Variants in NCOR1 observed in about 807,000 individuals in gnomAD.
NCOR1 encodes the protein protein phosphatase 1, regulatory subunit 109.
A neutral mutation model predicts 288.1 loss-of-function variants in NCOR1; 63 were observed. The ratio of observed to expected loss-of-function variants is 0.22; its 90% CI spans 0.18 to 0.27. The LOEUF is 0.27. Among genes scored for constraint, NCOR1 ranks in the 10% least tolerant of loss-of-function variants. The probability of loss-of-function intolerance (pLI) is 1.00; values close to 1 mark genes in which losing one functional copy is unlikely to be tolerated. For synonymous variants in NCOR1, 1,007 were observed against 1,065.9 expected, an observed-to-expected ratio of 0.94 and a Z score of 1.08; for missense variants, 2,397 against 3,019.2, an observed-to-expected ratio of 0.79 and a Z score of 4.83.
chr17:16,046,989 C>T lies in NCOR1; in HGVS notation c.6641G>A (p.Arg2214His), dbSNP rs142105041. ...MVKSKKQEIF[R>H]KLNSSGGGDS... ...ACCTCCACCAGAGGAGTTCAACTTA[C>T]GAAAAATCTCCTGCTTCTTTGATTT... Residue 2214 changes from arginine to histidine, a missense_variant, in exon 42 of 46, where the codon CGT becomes CAT. By Grantham distance (29) the Arg-to-His change is conservative (BLOSUM62 0). This residue lies in a region of NCOR1 where 1,872 missense variants were observed against 2,187.8 expected (regional missense o/e 0.86). Coordinates refer to ENST00000268712, the MANE Select transcript of NCOR1 (RefSeq NM_006311.4). 45 of 1,614,002 alleles carry T rather than the reference C, an allele frequency of 2.8e-5. 1 individual carries two copies. In the East Asian group the frequency reaches 6.2e-4, roughly 22 times the overall value.
At chr17:16,045,132 AT>A in intron 42 of NCOR1, 1 of 231,416 alleles carries the variant, frequency 4.3e-6, no homozygotes, top group South Asian at 6.5e-5. Context: ...GGAGGTTCTG[AT>A]TAATACTTGC....
At chr17:16,090,382 A>AT (rs2064984063) in intron 22 of NCOR1, among the ~76,000 whole-genome samples, 2 of 152,132 alleles carry the variant, frequency 1.3e-5, no homozygotes, top group African/African-American at 2.4e-5. Flanking sequence ...CTAAAGTTTC[A>AT]TTTTCCACTG....
rs147117273 is a variant in NCOR1, at chr17:16,174,568, T to G, written c.243-2573A>C. Among the ~76,000 whole-genome samples, 1,153 of 152,322 alleles carry G rather than the reference T, an allele frequency of 7.6e-3. 19 individuals are homozygous for G. The highest frequency in any genetic ancestry group is 0.05 in the East Asian group (257 of 5,186). ...TCAGAAAACAATGAGTATGGAATGC[T>G]CTTTTTCTATCTAGAAATCAGACTA... On this transcript the variant is annotated intron_variant, in intron 3 of 45. Coordinates refer to ENST00000268712, the MANE Select transcript of NCOR1 (RefSeq NM_006311.4).
At chr17:16,145,904 C>T (rs1448587893) in intron 10 of NCOR1, among the ~76,000 whole-genome samples, 1 of 152,106 alleles carries the variant, frequency 6.6e-6, no homozygotes, top group Non-Finnish European at 1.5e-5. Flanking sequence ...TTACTGTGTC[C>T]GTGTGGAGGG....
At chr17:16,115,623 A>G (rs779124221) in intron 18 of NCOR1, among the ~76,000 whole-genome samples, 5 of 152,196 alleles carry the variant, frequency 3.3e-5, no homozygotes, top group Non-Finnish European at 5.9e-5. Context: ...CAGGGGCAAA[A>G]TGCTGCCAGT....
intron 3 of NCOR1, among the ~76,000 whole-genome samples, chr17:16,179,879 A>G (rs981187481): frequency 6.6e-6 from 1 of 150,476 alleles, no homozygotes; most frequent in Non-Finnish European, 1.5e-5. Flanking sequence ...CCGGGCGTGA[A>G]GCCGGGAGGC....
chr17:16,147,028 G>A (rs2078092985), intron 9 of NCOR1, among the ~76,000 whole-genome samples: 1 of 152,108 alleles, frequency 6.6e-6, no homozygotes, highest in Non-Finnish European at 1.5e-5. Context: ...CTGGTTGATT[G>A]CCATTTTTTG....
intron 1 of NCOR1, among the ~76,000 whole-genome samples, chr17:16,202,910 C>G (rs1568663529): frequency 2.0e-5 from 3 of 152,122 alleles, no homozygotes; most frequent in Non-Finnish European, 4.4e-5. Flanking sequence ...ACCTTAGAAA[C>G]AAACAGAACT....
At chr17:16,073,824 T>G (rs540801775) in intron 27 of NCOR1, among the ~76,000 whole-genome samples, 3 of 152,288 alleles carry the variant, frequency 2.0e-5, no homozygotes, top group South Asian at 4.1e-4. Flanking sequence ...TGCATGAAAC[T>G]TACACAATAA....
chr17:16,136,726 G>C (rs775969000), intron 14 of NCOR1, among the ~76,000 whole-genome samples: 5 of 148,212 alleles, frequency 3.4e-5, no homozygotes, highest in Non-Finnish European at 5.9e-5. Flanking sequence ...AGAATCGATT[G>C]AACCCAGGAG....
At chr17:16,113,294 C>T (rs572347308) in intron 18 of NCOR1, among the ~76,000 whole-genome samples, 2 of 152,160 alleles carry the variant, frequency 1.3e-5, no homozygotes, top group South Asian at 4.2e-4. Context: ...CACAACCTTC[C>T]CCTTTTGGAA....
intron 14 of NCOR1, among the ~76,000 whole-genome samples, chr17:16,127,634 T>C (rs113007635): frequency 7.1e-6 from 1 of 140,554 alleles, no homozygotes; most frequent in Non-Finnish European, 1.5e-5. Context: ...TATACATATA[T>C]GTATATATGT....
chr17:16,127,252 T>TATAC (rs2074330365), intron 14 of NCOR1, among the ~76,000 whole-genome samples: 1 of 121,816 alleles, frequency 8.2e-6, no homozygotes, highest in South Asian at 2.5e-4. Flanking sequence ...TGTATGTATA[T>TATAC]ATGTGTGTGT....
rs953484089 is a variant in NCOR1 at position 16,083,241 on chromosome 17, GA to G, written c.3178-2515del. 2.3e-3 allele frequency among the ~76,000 whole-genome samples: 325 copies of G among 138,380 alleles called. 1 individual carries two copies. Among genetic ancestry groups the G allele is most frequent in the Middle Eastern group, 7.1e-3 (2 of 282 alleles). The allele number at this position is 138,380 out of a possible 152,430, so 90.8% of individuals were successfully genotyped here. ...GAGCAAGACTCTGTCTCAAAAAAAG[GA>G]AAAAAAAAAAAATTCCTAGCCACTC... On this transcript the variant is annotated intron_variant, in intron 23 of 45. Transcript: ENST00000268712.
intron 1 of NCOR1, among the ~76,000 whole-genome samples, chr17:16,196,824 CAAA>C (rs35922115): frequency 4.4e-5 from 4 of 91,202 alleles, no homozygotes; most frequent in African/African-American, 4.3e-5. Flanking sequence ...GACTCTGTCT[CAAA>C]AAAAAAAAAA....
rs114675344 is a variant in NCOR1 at position 16,169,384 on chromosome 17, G to A, written c.435+2419C>T. On this transcript the variant is annotated intron_variant, in intron 4 of 45. Transcript: ENST00000268712. ...GTTAATAACTTTTAAATGGTAAACT[G>A]TAGGTAATTTTTTCTTTCAAGCTTA... 4.1e-3 allele frequency among the ~76,000 whole-genome samples: 628 copies of A among 152,306 alleles called. 7 individuals are homozygous for A. The highest frequency in any genetic ancestry group is 0.015 in the African/African-American group (606 of 41,556).
rs138931093 is a variant in NCOR1, at chr17:16,093,872, C to T, written c.2821-1814G>A. ...AGTATTTTTTAACCTAATAGAGCAT[C>T]GCATTTTAATTCATTTTAACCTTTA... On this transcript the variant is annotated intron_variant, in intron 21 of 45. Transcript: ENST00000268712. 7.6e-3 allele frequency among the ~76,000 whole-genome samples: 1,161 copies of T among 152,176 alleles called. 19 individuals carry two copies. The highest frequency in any genetic ancestry group is 0.05 in the East Asian group (257 of 5,182).
intron 18 of NCOR1, among the ~76,000 whole-genome samples, chr17:16,110,730 C>G (rs758044058): frequency 6.6e-6 from 1 of 152,138 alleles, no homozygotes; most frequent in African/African-American, 2.4e-5. Flanking sequence ...TAAAAATTAC[C>G]CGTACATCTA....
At chr17:16,078,459 G>C (rs1211679951) in intron 26 of NCOR1, among the ~76,000 whole-genome samples, 5 of 152,164 alleles carry the variant, frequency 3.3e-5, no homozygotes, top group Non-Finnish European at 5.9e-5. Flanking sequence ...TCTTCCCACA[G>C]TTTGGATGCC....
Sources: allele counts gnomAD v4.1 joint callset (sites outside exome capture counted in the v4.1 genomes callset), GRCh38; gene constraint gnomAD v4.1.1; regional missense constraint gnomAD v4.1.1; transcripts MANE v1.5; gene names NCBI Gene and HGNC (gene_info 2026-07-23, HGNC 2026-07-21).